Variants in IL23R observed in about 807,000 individuals in gnomAD.
The protein encoded by IL23R is interleukin 23 receptor.
A neutral mutation model predicts 56.9 loss-of-function variants in IL23R; 34 were observed. The observed-to-expected ratio is 0.60, with a 90% CI of 0.45 to 0.80. The LOEUF (loss-of-function observed/expected upper bound fraction) is 0.80. Among genes scored for constraint, IL23R ranks in the 30% least tolerant of loss-of-function variants. IL23R has a pLI of 0.00. For synonymous variants in IL23R, 230 were observed against 249.2 expected (o/e 0.92, Z 0.73); for missense variants, 635 against 730.0 (o/e 0.87, Z 1.50).
At chr1:67,155,371 A>C in intron 1 of IL23R, among the ~76,000 whole-genome samples, 1 of 152,194 alleles carries the variant, frequency 6.6e-6, no homozygotes, top group East Asian at 1.9e-4. Flanking sequence ...CCTGGATAAC[A>C]TCCTGAAATA....
chr1:67,192,975 C>T (rs1157619741), intron 4 of IL23R, among the ~76,000 whole-genome samples: 1 of 152,206 alleles, frequency 6.6e-6, no homozygotes, highest in Non-Finnish European at 1.5e-5. Flanking sequence ...GCCAGAGTCC[C>T]TCAAGGACTC....
intron 10 of IL23R, among the ~76,000 whole-genome samples, chr1:67,257,915 G>A (rs1471501387): frequency 6.6e-6 from 1 of 152,028 alleles, no homozygotes; most frequent in Non-Finnish European, 1.5e-5. Context: ...TGTTGGCCAG[G>A]CTGGTCTTGA....
intron 5 of IL23R, among the ~76,000 whole-genome samples, chr1:67,201,488 G>T (rs978197251): frequency 4.0e-5 from 6 of 149,996 alleles, no homozygotes; most frequent in African/African-American, 1.5e-4. Flanking sequence ...TGTTCTAAAG[G>T]CTAGAGTGAA....
At chr1:67,218,362 A>G (rs1448587086) in intron 6 of IL23R, among the ~76,000 whole-genome samples, 6 of 150,296 alleles carry the variant, frequency 4.0e-5, no homozygotes, top group South Asian at 4.2e-4. Flanking sequence ...GTGTGTGTAT[A>G]TATATATATA....
intron 1 of IL23R, among the ~76,000 whole-genome samples, chr1:67,145,354 G>T (rs879654861): frequency 5.3e-5 from 8 of 152,156 alleles, no homozygotes; most frequent in Admixed American, 4.6e-4. Flanking sequence ...TCTCAAATAC[G>T]TACATAAAAT....
intron 1 of IL23R, among the ~76,000 whole-genome samples, chr1:67,140,191 TC>T (rs1403105052): frequency 5.9e-5 from 9 of 152,336 alleles, no homozygotes; most frequent in African/African-American, 2.2e-4. Context: ...TAAGATAGCA[TC>T]TTGCAAGGCT....
chr1:67,228,030 CTTTT>C (rs1650799083), intron 7 of IL23R, among the ~76,000 whole-genome samples: 1 of 53,232 alleles, frequency 1.9e-5, no homozygotes, highest in African/African-American at 8.0e-5. Flanking sequence ...TCCTTTCTTT[CTTTT>C]CTTTCTTTCT....
chr1:67,261,386 T>C (rs1410683050), downstream of IL23R, among the ~76,000 whole-genome samples: 1 of 148,430 alleles, frequency 6.7e-6, no homozygotes, highest in Non-Finnish European at 1.5e-5. Context: ...GCCATTTTGC[T>C]CCAAAAGGGT....
At chr1:67,197,945 AAAG>A (rs778404103) in intron 4 of IL23R, among the ~76,000 whole-genome samples, 1,041 of 63,302 alleles carry the variant, frequency 0.016, 14 homozygotes, top group African/African-American at 0.046. Flanking sequence ...TTAAAAAAGA[AAAG>A]AAAAGAAAAG....
intron 5 of IL23R, among the ~76,000 whole-genome samples, chr1:67,202,709 C>T (rs553058375): frequency 6.6e-5 from 10 of 152,126 alleles, no homozygotes; most frequent in South Asian, 2.1e-4. Context: ...GTAGCTGGGA[C>T]GACAGGCCAC....
chr1:67,202,294 T>C (rs563180069), intron 5 of IL23R, among the ~76,000 whole-genome samples: 1 of 152,344 alleles, frequency 6.6e-6, no homozygotes, highest in African/African-American at 2.4e-5. Flanking sequence ...CTCTGCCTCC[T>C]GGCTTCAAGC....
intron 7 of IL23R, among the ~76,000 whole-genome samples, chr1:67,223,044 A>G (rs1650401826): frequency 6.6e-6 from 1 of 152,176 alleles, no homozygotes; most frequent in Non-Finnish European, 1.5e-5. Context: ...ACCTAAGGTC[A>G]GGAGTTTAAG....
chr1:67,227,045 A>T (rs2100264161), intron 7 of IL23R, among the ~76,000 whole-genome samples: 1 of 152,370 alleles, frequency 6.6e-6, no homozygotes, highest in East Asian at 1.9e-4. Context: ...AGAACCGCTG[A>T]GAGCTGCTGA....
chr1:67,192,222 C>T (rs193279947), intron 4 of IL23R, among the ~76,000 whole-genome samples: 3 of 152,284 alleles, frequency 2.0e-5, no homozygotes, highest in Middle Eastern at 3.4e-3. Flanking sequence ...GGTAAGCGGT[C>T]TTCCAAAAAC....
rs943875959 is a variant in IL23R, at chr1:67,213,509, C to T, written c.799-6065C>T. ...GACGAGGCAAGGAGAATATGTGCCA[C>T]GCAGCAGTCCATGTTTCAGGCAATG... On this transcript the variant is annotated intron_variant, in intron 6 of 10. Transcript: ENST00000347310. Among the ~76,000 whole-genome samples, 8 of 152,146 alleles carry T rather than the reference C, an allele frequency of 5.3e-5. No homozygotes were observed. The East Asian group carries it at 5.8e-4, about 11-fold the overall frequency.
chr1:67,228,120 C>T, intron 7 of IL23R, among the ~76,000 whole-genome samples: 1 of 125,380 alleles, frequency 8.0e-6, no homozygotes, highest in Non-Finnish European at 1.7e-5. Context: ...CTCTTTCTTT[C>T]TTTCTTTCCT....
intron 8 of IL23R, 117 bp from the exon 9 acceptor site, chr1:67,240,062 T>TC (rs963123414): frequency 6.4e-6 from 5 of 777,592 alleles, no homozygotes; most frequent in African/African-American, 1.7e-5. Flanking sequence ...TAATTTTGCT[T>TC]CCCCCCACCC....
At chr1:67,144,217 G>T (rs1398509903) in intron 1 of IL23R, among the ~76,000 whole-genome samples, 1 of 152,126 alleles carries the variant, frequency 6.6e-6, no homozygotes, top group Non-Finnish European at 1.5e-5. Context: ...ACCTATTCTA[G>T]ATTCACGAAA....
intron 6 of IL23R, among the ~76,000 whole-genome samples, chr1:67,218,370 A>ATATG (rs1474275196): frequency 2.7e-5 from 4 of 150,120 alleles, no homozygotes; most frequent in Non-Finnish European, 4.4e-5. Flanking sequence ...ATATATATAT[A>ATATG]TATGTATGTA....
Sources: gnomAD v4.1 joint callset for allele counts (sites outside exome capture counted in the v4.1 genomes callset) on GRCh38, gnomAD v4.1.1 for gene constraint, MANE v1.5 for transcripts, NCBI Gene and HGNC (gene_info 2026-07-23, HGNC 2026-07-21) for gene names.